The following MAST4 variants were observed in gnomAD, a reference collection of about 807,000 sequenced individuals.
The protein encoded by MAST4 is microtubule associated serine/threonine kinase family member 4, also known as microtubule-associated serine/threonine-protein kinase 4.
A neutral mutation model predicts 162.7 loss-of-function variants in MAST4; 89 were observed. The ratio of observed to expected loss-of-function variants is 0.55; its 90% CI spans 0.46 to 0.65. MAST4 has a LOEUF of 0.65. Ranked by LOEUF, MAST4 falls within the 30% of genes least tolerant of loss-of-function variation. The pLI is 0.00. For missense variants in MAST4, 3,153 were observed against 3,374.0 expected, an observed-to-expected ratio of 0.93 and a Z score of 1.62; for synonymous variants, 1,479 against 1,361.1, an observed-to-expected ratio of 1.09 and a Z score of -1.91.
chr5:66,844,131 C>T (rs142316068), intron 3 of MAST4, among the ~76,000 whole-genome samples: 38 of 143,610 alleles, frequency 2.6e-4, no homozygotes, highest in African/African-American at 9.4e-4. Context: ...CAGCTGGTCC[C>T]AGTCAGCCTG....
At chr5:66,783,878 C>G (rs1274074065) in intron 2 of MAST4, among the ~76,000 whole-genome samples, 1 of 152,004 alleles carries the variant, frequency 6.6e-6, no homozygotes, top group Non-Finnish European at 1.5e-5. Context: ...TGTTCCCCAG[C>G]AATGGGTGCT....
At chr5:66,874,603 AAAAC>A (rs951672063) in intron 3 of MAST4, among the ~76,000 whole-genome samples, 3 of 152,206 alleles carry the variant, frequency 2.0e-5, no homozygotes, top group African/African-American at 7.2e-5. Flanking sequence ...CCTTCTTTAA[AAAAC>A]AAACCAAACT....
chr5:67,030,775 C>T (rs1291572098), intron 4 of MAST4, among the ~76,000 whole-genome samples: 1 of 152,158 alleles, frequency 6.6e-6, no homozygotes, highest in Admixed American at 6.6e-5. Context: ...TTGTGTCACT[C>T]TCTTACAACG....
At chr5:66,738,718 G>A (rs1034294465) in intron 1 of MAST4, among the ~76,000 whole-genome samples, 10 of 152,180 alleles carry the variant, frequency 6.6e-5, no homozygotes, top group Admixed American at 6.5e-4. Context: ...AAAGTGCTCC[G>A]ACACAGGTCT....
chr5:67,134,714 A>T (rs756273983), intron 18 of MAST4, 26 bp downstream of exon 18: 1 of 1,587,986 alleles, frequency 6.3e-7, no homozygotes, highest in South Asian at 1.1e-5. Context: ...AGTTATCTTT[A>T]GGTCACTGTT....
chr5:67,013,806 A>G (rs1364585457), intron 4 of MAST4, among the ~76,000 whole-genome samples: 1 of 152,224 alleles, frequency 6.6e-6, no homozygotes, highest in Non-Finnish European at 1.5e-5. Flanking sequence ...GAGGGAAAAA[A>G]TTATGTTTGG....
intron 4 of MAST4, among the ~76,000 whole-genome samples, chr5:66,924,524 GC>G (rs1288994668): frequency 6.6e-6 from 1 of 151,916 alleles, no homozygotes; most frequent in African/African-American, 2.4e-5. Flanking sequence ...CTCCTGAGTA[GC>G]TGGGACTATA....
chr5:66,773,177 G>T (rs1158940275), intron 2 of MAST4, among the ~76,000 whole-genome samples: 1 of 152,154 alleles, frequency 6.6e-6, no homozygotes, highest in Non-Finnish European at 1.5e-5. Context: ...AAAAAGAGTA[G>T]GTCAAGAAAT....
intron 7 of MAST4, among the ~76,000 whole-genome samples, chr5:67,099,206 A>G (rs1213845590): frequency 6.6e-6 from 1 of 151,644 alleles, no homozygotes; most frequent in Non-Finnish European, 1.5e-5. Context: ...GACTTGATTT[A>G]GTTCATGTGT....
chr5:66,679,886 C>T (rs1484980466), intron 1 of MAST4, among the ~76,000 whole-genome samples: 1 of 152,080 alleles, frequency 6.6e-6, no homozygotes, highest in Non-Finnish European at 1.5e-5. Flanking sequence ...CTTCAAAGCC[C>T]ATATTCTGAA....
chr5:66,911,561 C>A (rs1401101193), intron 4 of MAST4, among the ~76,000 whole-genome samples: 11 of 6,568 alleles, frequency 1.7e-3, no homozygotes, highest in South Asian at 8.9e-3. Flanking sequence ...AACAACAACC[C>A]CCCCCCCCCC....
intron 2 of MAST4, among the ~76,000 whole-genome samples, chr5:66,772,315 C>G (rs1418506142): frequency 6.6e-6 from 1 of 152,096 alleles, no homozygotes; most frequent in African/African-American, 2.4e-5. Flanking sequence ...TTATACTTTT[C>G]TTTTTCCCTT....
chr5:66,802,513 T>G (rs1372782801), intron 3 of MAST4, among the ~76,000 whole-genome samples: 1 of 152,184 alleles, frequency 6.6e-6, no homozygotes, highest in Non-Finnish European at 1.5e-5. Context: ...CTTTGTCACT[T>G]CTTGCATATG....
chr5:66,799,153 G>A (rs530315482), intron 3 of MAST4, among the ~76,000 whole-genome samples: 2 of 152,240 alleles, frequency 1.3e-5, no homozygotes, highest in Admixed American at 1.3e-4. Flanking sequence ...CCTGCCATTC[G>A]TTCCTCCGAC....
At chr5:66,710,208 T>C (rs1750407557) in intron 1 of MAST4, among the ~76,000 whole-genome samples, 1 of 152,250 alleles carries the variant, frequency 6.6e-6, no homozygotes, top group Non-Finnish European at 1.5e-5. Context: ...TTGAGATTCA[T>C]CCTGATCTGA....
chr5:67,096,616 A>G (rs765668320), intron 7 of MAST4, among the ~76,000 whole-genome samples: 2 of 152,168 alleles, frequency 1.3e-5, no homozygotes, highest in Non-Finnish European at 2.9e-5. Flanking sequence ...AGTTAAATAG[A>G]TAAATTCTAA....
At chr5:66,939,720 A>G (rs1049891290) in intron 4 of MAST4, among the ~76,000 whole-genome samples, 1 of 151,956 alleles carries the variant, frequency 6.6e-6, no homozygotes, top group Non-Finnish European at 1.5e-5. Flanking sequence ...TGTATACAAG[A>G]TACCTCAGAG....
intron 2 of MAST4, among the ~76,000 whole-genome samples, chr5:66,784,473 T>C (rs1755019706): frequency 6.6e-6 from 1 of 152,198 alleles, no homozygotes; most frequent in Admixed American, 6.5e-5. Flanking sequence ...ACTTCTAAGT[T>C]GAAGTAGCAA....
At chr5:66,902,433 C>T (rs1036843025) in intron 4 of MAST4, among the ~76,000 whole-genome samples, 4 of 152,142 alleles carry the variant, frequency 2.6e-5, no homozygotes, top group African/African-American at 4.8e-5. Context: ...TTAAAGGTAA[C>T]TTTTATATCC....
Sources: allele counts gnomAD v4.1 joint callset (sites outside exome capture counted in the v4.1 genomes callset), GRCh38; gene constraint gnomAD v4.1.1; transcripts MANE v1.5; gene names NCBI Gene and HGNC (gene_info 2026-07-23, HGNC 2026-07-21).